CSMD1: variants seen among roughly 807,000 people sequenced by gnomAD.
CSMD1 encodes the protein CUB and Sushi multiple domains 1.
In CSMD1, 213 loss-of-function variants were observed where a neutral mutation model predicts 417.5. The ratio of observed to expected loss-of-function variants is 0.51; its 90% CI spans 0.46 to 0.57. The LOEUF (loss-of-function observed/expected upper bound fraction) is 0.57, where lower values mean the gene tolerates loss of function less well. Ranked by LOEUF, CSMD1 falls within the 20% of genes least tolerant of loss-of-function variation. The pLI, the probability that CSMD1 is intolerant of heterozygous loss-of-function variation, is 0.00. For missense variants in CSMD1, 6,923 were observed against 4,529.7 expected (o/e 1.53, Z -15.17); for synonymous variants, 2,862 against 1,736.8 (o/e 1.65, Z -16.11).
At chr8:3,707,502 T>C (rs1433983880) in intron 7 of CSMD1, among the ~76,000 whole-genome samples, 1 of 152,156 alleles carries the variant, frequency 6.6e-6, no homozygotes, top group Non-Finnish European at 1.5e-5. Flanking sequence ...AGAAGAAGCG[T>C]GAGCAGAAAA....
At chr8:3,570,979 G>C (rs567181084) in intron 10 of CSMD1, among the ~76,000 whole-genome samples, 32 of 152,216 alleles carry the variant, frequency 2.1e-4, no homozygotes, top group African/African-American at 7.0e-4. Context: ...CTTTCATATA[G>C]AATAAAAATA....
At chr8:3,436,832 G>A (rs1388750454) in intron 12 of CSMD1, among the ~76,000 whole-genome samples, 1 of 151,982 alleles carries the variant, frequency 6.6e-6, no homozygotes, top group Non-Finnish European at 1.5e-5. Flanking sequence ...ATTTTTGTCA[G>A]TATGCTAATA....
intron 1 of CSMD1, among the ~76,000 whole-genome samples, chr8:4,680,092 C>T (rs1805944070): frequency 6.6e-6 from 1 of 152,084 alleles, no homozygotes; most frequent in Admixed American, 6.5e-5. Flanking sequence ...AAATATATTT[C>T]ACAAATCATA....
At chr8:3,789,597 G>A (rs1799621658) in intron 5 of CSMD1, among the ~76,000 whole-genome samples, 1 of 151,378 alleles carries the variant, frequency 6.6e-6, no homozygotes. Flanking sequence ...TATGACTAGA[G>A]ATACTGAATA....
At chr8:3,628,420 C>G (rs1369849568) in intron 7 of CSMD1, among the ~76,000 whole-genome samples, 2 of 152,212 alleles carry the variant, frequency 1.3e-5, no homozygotes, top group South Asian at 2.1e-4. Context: ...CCAAATAGGG[C>G]AAGGCTTCCA....
rs200262498 is a variant in CSMD1 at position 4,181,840 on chromosome 8, A to G, written c.416-149741T>C. 2.5e-4 allele frequency among the ~76,000 whole-genome samples: 38 copies of G among 152,340 alleles called. No homozygotes were observed. The East Asian group carries it at 6.9e-3, about 28-fold the overall frequency. On this transcript the variant is annotated intron_variant, in intron 3 of 69. Coordinates refer to ENST00000635120, the MANE Select transcript of CSMD1 (RefSeq NM_033225.6). ...GCAAATGTAATATACATTCGTACAA[A>G]TAAAATGATAAATTCTCCTTTAGCC...
intron 52 of CSMD1, among the ~76,000 whole-genome samples, chr8:3,003,661 G>A (rs1164203765): frequency 6.6e-6 from 1 of 152,210 alleles, no homozygotes; most frequent in Non-Finnish European, 1.5e-5. Context: ...CACAATCGCA[G>A]AGGGTAAACG....
intron 26 of CSMD1, among the ~76,000 whole-genome samples, chr8:3,251,964 G>C (rs996019570): frequency 6.6e-6 from 1 of 152,160 alleles, no homozygotes; most frequent in African/African-American, 2.4e-5. Flanking sequence ...GATATTTTGG[G>C]CTGAGACAAT....
chr8:3,089,744 G>A (rs941020476), intron 48 of CSMD1, among the ~76,000 whole-genome samples: 1 of 102,026 alleles, frequency 9.8e-6, no homozygotes, highest in Non-Finnish European at 2.1e-5. Context: ...CTATCTATCT[G>A]CCTCTCTTTC....
chr8:2,984,736 C>A (rs75980240), intron 54 of CSMD1, among the ~76,000 whole-genome samples: 409 of 152,310 alleles, frequency 2.7e-3, no homozygotes, highest in Middle Eastern at 6.8e-3. Flanking sequence ...AATTTTGGGT[C>A]TAGGAAGTCA....
intron 1 of CSMD1, among the ~76,000 whole-genome samples, chr8:4,680,504 G>C (rs1019631129): frequency 6.6e-6 from 1 of 152,164 alleles, no homozygotes; most frequent in Non-Finnish European, 1.5e-5. Flanking sequence ...AAATTATAGA[G>C]AGGGAGGAAG....
chr8:3,465,375 G>C (rs936187736), intron 12 of CSMD1, among the ~76,000 whole-genome samples: 2 of 152,146 alleles, frequency 1.3e-5, no homozygotes, highest in African/African-American at 4.8e-5. Context: ...CACAAATGGA[G>C]AAATCTCACA....
chr8:3,477,552 C>G (rs13249770), intron 11 of CSMD1, among the ~76,000 whole-genome samples: 94,466 of 151,870 alleles, frequency 0.62, 30,209 homozygotes, highest in Middle Eastern at 0.75. Flanking sequence ...CCTGGGCAGA[C>G]TCATTCCTCT....
At chr8:4,754,891 C>G (rs920336527) in intron 1 of CSMD1, among the ~76,000 whole-genome samples, 1 of 151,626 alleles carries the variant, frequency 6.6e-6, no homozygotes, top group Non-Finnish European at 1.5e-5. Flanking sequence ...GTAATCCAAG[C>G]ACTTTGTGAA....
At chr8:3,885,269 G>A (rs1563177361) in intron 5 of CSMD1, among the ~76,000 whole-genome samples, 1 of 152,106 alleles carries the variant, frequency 6.6e-6, no homozygotes, top group Admixed American at 6.6e-5. Context: ...TCTAGCATCA[G>A]ACAGGTGTGA....
chr8:4,081,499 C>T (rs1396105453), intron 3 of CSMD1, among the ~76,000 whole-genome samples: 1 of 152,170 alleles, frequency 6.6e-6, no homozygotes. Flanking sequence ...GGGAGGCTCA[C>T]ATGACAAGGA....
intron 2 of CSMD1, among the ~76,000 whole-genome samples, chr8:4,429,485 G>A (rs186072017): frequency 6.7e-6 from 1 of 150,292 alleles, no homozygotes; most frequent in African/African-American, 2.4e-5. Flanking sequence ...CTGTCAATTG[G>A]GAAACAGATT....
chr8:4,004,104 T>A (rs1189834179), intron 4 of CSMD1, among the ~76,000 whole-genome samples: 1 of 152,160 alleles, frequency 6.6e-6, no homozygotes, highest in Non-Finnish European at 1.5e-5. Flanking sequence ...TTATCTACGT[T>A]AAGCTGTATA....
chr8:3,447,938 A>G (rs1231951206), intron 12 of CSMD1, among the ~76,000 whole-genome samples: 1 of 152,138 alleles, frequency 6.6e-6, no homozygotes, highest in Non-Finnish European at 1.5e-5. Flanking sequence ...TCTGTCATTT[A>G]CAGACACCCC....
Sources: allele counts gnomAD v4.1 joint callset (sites outside exome capture counted in the v4.1 genomes callset), GRCh38; gene constraint gnomAD v4.1.1; transcripts MANE v1.5; gene names NCBI Gene and HGNC (gene_info 2026-07-23, HGNC 2026-07-21).